RASL12: variants seen among roughly 807,000 people sequenced by gnomAD.
RASL12 encodes RAS like family 12.
Under a neutral mutation model 22.9 loss-of-function variants are expected in RASL12, and 16 were observed. The observed-to-expected ratio is 0.70, with a 90% confidence interval of 0.47 to 1.06. The LOEUF (loss-of-function observed/expected upper bound fraction) is 1.06. Ranked by LOEUF, RASL12 falls within the 50% of genes least tolerant of loss-of-function variation. RASL12 has a pLI of 0.00. For synonymous variants in RASL12, 159 were observed against 152.2 expected (o/e 1.04, Z -0.33); for missense variants, 306 against 353.1 (o/e 0.87, Z 1.07).
At chr15:65,075,371 G>C (rs979778890) in intron 1 of RASL12, among the ~76,000 whole-genome samples, 1 of 152,210 alleles carries the variant, frequency 6.6e-6, no homozygotes, top group Non-Finnish European at 1.5e-5. Context: ...GCTCCACGGT[G>C]CCCAGTCCCA....
At chr15:65,064,330 C>T (rs1386870992) in intron 2 of RASL12, among the ~76,000 whole-genome samples, 1 of 152,190 alleles carries the variant, frequency 6.6e-6, no homozygotes, top group Non-Finnish European at 1.5e-5. Context: ...GATGAGGAAA[C>T]AGTAGCTCAG....
At chr15:65,065,895 A>G (rs2086870632) in intron 1 of RASL12, among the ~76,000 whole-genome samples, 1 of 152,174 alleles carries the variant, frequency 6.6e-6, no homozygotes, top group Non-Finnish European at 1.5e-5. Context: ...AGCAGAATGT[A>G]AAACTCAAGA....
intron 1 of RASL12, among the ~76,000 whole-genome samples, chr15:65,066,129 A>G (rs1219701080): frequency 1.3e-5 from 2 of 151,524 alleles, no homozygotes; most frequent in Non-Finnish European, 2.9e-5. Context: ...AGAGAGAAAG[A>G]AGAAAGAAAA....
chr15:65,053,248 T>A, downstream of RASL12: 1 of 1,526,948 alleles, frequency 6.5e-7, no homozygotes, highest in Non-Finnish European at 8.7e-7. Flanking sequence ...GGTTTTAGAG[T>A]CTCTCCCAAG....
chr15:65,075,927 T>C (rs1367646213), intron 1 of RASL12, among the ~76,000 whole-genome samples: 53 of 149,720 alleles, frequency 3.5e-4, no homozygotes, highest in African/African-American at 1.2e-3. Context: ...CTGAGTTTAG[T>C]TCAAGGTTTG....
chr15:65,068,809 G>C (rs558034172), upstream of RASL12, among the ~76,000 whole-genome samples: 221 of 152,316 alleles, frequency 1.5e-3, 1 homozygote, highest in African/African-American at 5.2e-3. This position sits in a 1 kb window ranked among gnomAD's most constrained non-coding sequence, Gnocchi z 4.2. Flanking sequence ...TGGACACTTA[G>C]GATCTAGTGC....
At chr15:65,067,503 G>A (rs983924738) in intron 1 of RASL12, among the ~76,000 whole-genome samples, 17 of 152,130 alleles carry the variant, frequency 1.1e-4, no homozygotes, top group African/African-American at 3.4e-4. Context: ...GAAGAGGCAG[G>A]CAGGGAACAG....
downstream of RASL12, chr15:65,050,075 T>C (rs1483414364): frequency 1.3e-6 from 2 of 1,551,552 alleles, no homozygotes; most frequent in East Asian, 4.9e-5. Context: ...CTGGAAGAGA[T>C]GCTTTGGTTT....
chr15:65,050,288 G>T (rs1228513760), downstream of RASL12, among the ~76,000 whole-genome samples: 1 of 152,138 alleles, frequency 6.6e-6, no homozygotes, highest in East Asian at 1.9e-4. Context: ...CTTTTCTCAG[G>T]GTGTGGTCGC....
At chr15:65,067,595 G>A (rs1433899983) in intron 1 of RASL12, 138 bp downstream of exon 1, 2 of 1,014,564 alleles carry the variant, frequency 2.0e-6, no homozygotes, top group South Asian at 3.7e-5. Flanking sequence ...AGAAAATCAC[G>A]GTGTCTTGTG....
chr15:65,076,503 G>A (rs771555714), intron 1 of RASL12: 44 of 684,954 alleles, frequency 6.4e-5, no homozygotes, highest in African/African-American at 6.0e-4. Flanking sequence ...CTCCAGACAC[G>A]CTACCTTAAG....
chr15:65,052,461 C>T (rs2086666279), downstream of RASL12, among the ~76,000 whole-genome samples: 1 of 141,740 alleles, frequency 7.1e-6, no homozygotes, highest in African/African-American at 2.7e-5. Context: ...AGTGCAGTGG[C>T]ACAATCTCGG....
chr15:65,062,771 T>A (rs1264031511), intron 2 of RASL12, among the ~76,000 whole-genome samples: 1 of 152,146 alleles, frequency 6.6e-6, no homozygotes, highest in Non-Finnish European at 1.5e-5. Context: ...AGCTCCCCAA[T>A]GGAATGTGGA....
chr15:65,071,385 A>G (rs766863285), upstream of RASL12, among the ~76,000 whole-genome samples: 5 of 152,084 alleles, frequency 3.3e-5, no homozygotes, highest in Non-Finnish European at 7.4e-5. Flanking sequence ...CAGCCAGGAT[A>G]GTTCCTTGTC....
At chr15:65,055,779 G>A (rs934552362) in intron 4 of RASL12, among the ~76,000 whole-genome samples, 1 of 152,222 alleles carries the variant, frequency 6.6e-6, no homozygotes, top group Non-Finnish European at 1.5e-5. Flanking sequence ...AGAAGCCTGT[G>A]GTTGGCAGAG....
At chr15:65,053,191 A>T (rs925616576), downstream of RASL12, 4 of 1,611,760 alleles carry the variant, frequency 2.5e-6, no homozygotes, top group Non-Finnish European at 1.7e-6. Context: ...CCCCATCCTA[A>T]GCCAGACACA....
chr15:65,048,096 G>A, the RASL12 span, among the ~76,000 whole-genome samples: 8 of 151,822 alleles, frequency 5.3e-5, no homozygotes, highest in Admixed American at 2.0e-4. Flanking sequence ...AACGAGAACC[G>A]CTTGGACCCA....
At chr15:65,056,487 C>T (rs571724961) in intron 4 of RASL12, among the ~76,000 whole-genome samples, 1 of 152,308 alleles carries the variant, frequency 6.6e-6, no homozygotes, top group East Asian at 1.9e-4. Flanking sequence ...TTGGAAAGAA[C>T]ACTTGCTATT....
chr15:65,073,260 T>C (rs2086943919), intron 1 of RASL12, among the ~76,000 whole-genome samples: 1 of 152,236 alleles, frequency 6.6e-6, no homozygotes, highest in Admixed American at 6.5e-5. Context: ...TTGTGCATTT[T>C]ATTTCTATTA....
Sources: allele counts gnomAD v4.1 joint callset (sites outside exome capture counted in the v4.1 genomes callset), GRCh38; gene constraint gnomAD v4.1.1; non-coding constraint Gnocchi (gnomAD v3.1); transcripts MANE v1.5; gene names NCBI Gene and HGNC (gene_info 2026-07-23, HGNC 2026-07-21).